MEOX2: variants seen among roughly 807,000 people sequenced by gnomAD.
The protein encoded by MEOX2 is mesenchyme homeobox 2, also known as homeobox protein MOX-2.
Under a neutral mutation model 27.0 loss-of-function variants are expected in MEOX2, and 11 were observed. The ratio of observed to expected loss-of-function variants is 0.41; its 90% confidence interval spans 0.26 to 0.68. MEOX2 has a LOEUF of 0.68. MEOX2 is among the 30% of genes least tolerant of loss of function. MEOX2 has a pLI of 0.33. For synonymous variants in MEOX2, 189 were observed against 155.4 expected (o/e 1.22, Z -1.61); for missense variants, 436 against 385.4 (o/e 1.13, Z -1.10).
intron 1 of MEOX2, among the ~76,000 whole-genome samples, chr7:15,676,458 C>T (rs996733291): frequency 1.3e-5 from 2 of 152,066 alleles, no homozygotes; most frequent in Non-Finnish European, 2.9e-5. Flanking sequence ...TCATTCCCAC[C>T]CTCCTAGTTA....
chr7:15,657,445 T>C (rs1343272002), intron 1 of MEOX2, among the ~76,000 whole-genome samples: 3 of 152,184 alleles, frequency 2.0e-5, no homozygotes, highest in African/African-American at 7.2e-5. Flanking sequence ...TTCTCCAGTT[T>C]TTCCCTTTGT....
intron 1 of MEOX2, among the ~76,000 whole-genome samples, chr7:15,635,944 G>A (rs3801419): frequency 0.8 from 121,016 of 151,868 alleles, 48,545 homozygotes; most frequent in East Asian, 0.9. Flanking sequence ...TGGAAATTCA[G>A]TGAAACATAA....
intron 1 of MEOX2, among the ~76,000 whole-genome samples, chr7:15,653,180 G>A (rs1781762026): frequency 7.7e-6 from 1 of 129,482 alleles, no homozygotes; most frequent in Non-Finnish European, 1.7e-5. Context: ...CTCGTATGAT[G>A]GCTGTGTAGT....
chr7:15,645,734 T>C lies in MEOX2; in HGVS notation c.518-18816A>G, dbSNP rs568982692. ...CATGCTATTTTTAAGTACTGGACAA[T>C]GAAAGTAAAATATGCAGAGTGCCTG... is the stretch of plus-strand genomic sequence containing the variant. On this transcript the variant is annotated intron_variant, in intron 1 of 2. Coordinates refer to ENST00000262041, the MANE Select transcript of MEOX2 (RefSeq NM_005924.5). Among the ~76,000 whole-genome samples, 3 of 152,192 alleles carry C rather than the reference T, an allele frequency of 2.0e-5. No homozygotes were observed. The South Asian group carries it at 6.2e-4, about 32-fold the overall frequency.
At chr7:15,636,575 T>A (rs963973310) in intron 1 of MEOX2, among the ~76,000 whole-genome samples, 1 of 152,026 alleles carries the variant, frequency 6.6e-6, no homozygotes, top group Non-Finnish European at 1.5e-5. Context: ...AAATTGTGAT[T>A]GTTTTTTGCA....
At chr7:15,666,131 C>T (rs945532055) in intron 1 of MEOX2, among the ~76,000 whole-genome samples, 1 of 152,120 alleles carries the variant, frequency 6.6e-6, no homozygotes, top group African/African-American at 2.4e-5. Flanking sequence ...TGGAGGGAAA[C>T]TCAGAAAGGG....
intron 2 of MEOX2, among the ~76,000 whole-genome samples, chr7:15,615,235 T>A: frequency 6.6e-6 from 1 of 152,100 alleles, no homozygotes; most frequent in East Asian, 1.9e-4. Flanking sequence ...ATTCTTATGT[T>A]ATAGATGATA....
chr7:15,674,691 C>T (rs535460801), intron 1 of MEOX2, among the ~76,000 whole-genome samples: 80 of 151,888 alleles, frequency 5.3e-4, no homozygotes, highest in African/African-American at 1.9e-3. Flanking sequence ...CTTGTAAGAA[C>T]TAAGGATCTG....
intron 2 of MEOX2, among the ~76,000 whole-genome samples, chr7:15,624,185 G>T (rs968451460): frequency 2.6e-5 from 4 of 152,052 alleles, no homozygotes; most frequent in African/African-American, 4.8e-5. Flanking sequence ...AATTCTTTTT[G>T]ACTAACCCAG....
At chr7:15,657,328 A>G (rs754596425) in intron 1 of MEOX2, among the ~76,000 whole-genome samples, 45 of 152,150 alleles carry the variant, frequency 3.0e-4, no homozygotes, top group Non-Finnish European at 8.8e-5. Context: ...TTACACAAAT[A>G]TTAGATTGCT....
chr7:15,685,481 A>G (rs1291527835), intron 1 of MEOX2, among the ~76,000 whole-genome samples: 1 of 152,188 alleles, frequency 6.6e-6, no homozygotes, highest in Non-Finnish European at 1.5e-5. Context: ...AGAGTCGGCA[A>G]CTTGCAAGAG....
intron 1 of MEOX2, among the ~76,000 whole-genome samples, chr7:15,644,876 G>A (rs1256052312): frequency 6.6e-6 from 1 of 152,088 alleles, no homozygotes; most frequent in Non-Finnish European, 1.5e-5. Flanking sequence ...GTAAGCTAAG[G>A]TGACTTCAAG....
At chr7:15,633,166 T>G (rs1392790578) in intron 1 of MEOX2, among the ~76,000 whole-genome samples, 2 of 151,932 alleles carry the variant, frequency 1.3e-5, no homozygotes, top group African/African-American at 4.8e-5. Flanking sequence ...ATTCTTGTTC[T>G]AGTTTATTCA....
rs932322308 is a variant in MEOX2, at chr7:15,686,085, G to C, written c.318C>G (p.His106Gln). The C allele has an allele frequency of 6.3e-7, 1 of 1,589,758 alleles. No homozygotes were observed. Among genetic ancestry groups the C allele is most frequent in the Admixed American group, 1.8e-5 (1 of 56,210 alleles). Residue 106 changes from histidine (H) to glutamine (Q), a missense_variant, in exon 1 of 3, where the codon CAC becomes CAG. By Grantham distance (24) the His-to-Gln change is conservative (BLOSUM62 0). Coordinates refer to ENST00000262041, the MANE Select transcript of MEOX2 (RefSeq NM_005924.5). Reference protein sequence around the residue: ...QMSSPPSAARHSLCLQPDSGG... With the variant: ...QMSSPPSAARQSLCLQPDSGG... Reference sequence around the variant, plus strand: ...CAGAGTCGGGCTGGAGGCAGAGGCTGTGCCGAGCCGCACTCGGTGGGGAAG... The same window carrying C: ...CAGAGTCGGGCTGGAGGCAGAGGCTCTGCCGAGCCGCACTCGGTGGGGAAG...
At chr7:15,614,990 GTAT>G (rs1321219075) in intron 2 of MEOX2, among the ~76,000 whole-genome samples, 1 of 151,908 alleles carries the variant, frequency 6.6e-6, no homozygotes, top group African/African-American at 2.4e-5. Flanking sequence ...TTGAAATCAT[GTAT>G]CATATATTGC....
chr7:15,632,351 A>C (rs372814910), intron 1 of MEOX2, among the ~76,000 whole-genome samples: 1 of 151,912 alleles, frequency 6.6e-6, no homozygotes, highest in African/African-American at 2.4e-5. Context: ...TGTTTAGTGA[A>C]GACCCTTATT....
chr7:15,632,305 C>G (rs1211061676), intron 1 of MEOX2, among the ~76,000 whole-genome samples: 3 of 151,568 alleles, frequency 2.0e-5, no homozygotes, highest in Non-Finnish European at 4.4e-5. Context: ...ATTTTTTGTG[C>G]CCATCAATAT....
chr7:15,640,111 A>G (rs987619183), intron 1 of MEOX2, among the ~76,000 whole-genome samples: 2 of 152,108 alleles, frequency 1.3e-5, no homozygotes, highest in Non-Finnish European at 2.9e-5. Flanking sequence ...CTTCCTATCC[A>G]TGGGATGTTT....
At chr7:15,641,125 T>C (rs1013715288) in intron 1 of MEOX2, among the ~76,000 whole-genome samples, 1 of 152,152 alleles carries the variant, frequency 6.6e-6, no homozygotes, top group Admixed American at 6.5e-5. Context: ...CTGGTAGAAT[T>C]TGGCTATGAA....
Sources: gnomAD v4.1 joint callset for allele counts (sites outside exome capture counted in the v4.1 genomes callset) on GRCh38, gnomAD v4.1.1 for gene constraint, MANE v1.5 for transcripts, NCBI Gene and HGNC (gene_info 2026-07-23, HGNC 2026-07-21) for gene names.